UNC13C: variants seen among roughly 807,000 people sequenced by gnomAD.
UNC13C encodes protein unc-13 homolog C.
Under a neutral mutation model 245.4 loss-of-function variants are expected in UNC13C, and 174 were observed. That is an observed-to-expected ratio of 0.71 (90% CI 0.63 to 0.80). The LOEUF (loss-of-function observed/expected upper bound fraction) is 0.80, where lower values mean the gene tolerates loss of function less well. Ranked by LOEUF, UNC13C falls within the 30% of genes least tolerant of loss-of-function variation. UNC13C has a pLI of 0.00. For synonymous variants in UNC13C, 992 were observed against 895.1 expected (o/e 1.11, Z -1.93); for missense variants, 2,829 against 2,602.9 (o/e 1.09, Z -1.89).
the UNC13C span, among the ~76,000 whole-genome samples, chr15:53,865,544 C>G: frequency 1.2e-4 from 18 of 152,236 alleles, no homozygotes; most frequent in Admixed American, 6.5e-5. Flanking sequence ...TTAACTTAAT[C>G]ACCTCTTTAA....
At chr15:53,846,959 G>GACCTCT in the UNC13C span, among the ~76,000 whole-genome samples, 2 of 152,046 alleles carry the variant, frequency 1.3e-5, no homozygotes, top group Admixed American at 1.3e-4. Flanking sequence ...CACAGTGTAG[G>GACCTCT]GCCCAACTGC....
At position 54,168,529 on chromosome 15, in the gene UNC13C, G is replaced by T. The variant is rs78695960; in HGVS notation, c.3071+24845G>T. Among the ~76,000 whole-genome samples, 906 of 152,140 alleles carry T rather than the reference G, an allele frequency of 6.0e-3. 50 individuals carry two copies. The East Asian group carries it at 0.11, about 18-fold the overall frequency. ...AGTTTTCAGCGTTCAACTTTTATAT[G>T]CTACTAAGCAAAAGTGAATCATTCT... On this transcript the variant is annotated intron_variant, in intron 4 of 32. Coordinates refer to ENST00000260323, the MANE Select transcript of UNC13C (RefSeq NM_001080534.3).
At chr15:54,030,082 C>A (rs1446171191) in intron 2 of UNC13C, among the ~76,000 whole-genome samples, 1 of 152,146 alleles carries the variant, frequency 6.6e-6, no homozygotes, top group South Asian at 2.1e-4. Context: ...GCAGCAGCGG[C>A]AGCAGGTTCA....
At chr15:53,876,005 G>A in the UNC13C span, among the ~76,000 whole-genome samples, 1 of 152,046 alleles carries the variant, frequency 6.6e-6, no homozygotes, top group Admixed American at 6.6e-5. Flanking sequence ...CTGAGCACAG[G>A]GTATGTGTTC....
chr15:54,518,518 C>A (rs998459778), intron 24 of UNC13C, among the ~76,000 whole-genome samples: 6 of 152,208 alleles, frequency 3.9e-5, no homozygotes, highest in Non-Finnish European at 7.3e-5. Context: ...TATAATAAAT[C>A]TATTTCATTA....
At chr15:54,488,802 A>C (rs1384514325) in intron 19 of UNC13C, among the ~76,000 whole-genome samples, 5 of 152,146 alleles carry the variant, frequency 3.3e-5, no homozygotes, top group African/African-American at 4.8e-5. Context: ...TTTTGTACAA[A>C]ATTATACTGC....
At chr15:53,961,803 T>C in the UNC13C span, among the ~76,000 whole-genome samples, 2 of 152,174 alleles carry the variant, frequency 1.3e-5, no homozygotes, top group Admixed American at 1.3e-4. Flanking sequence ...TACAAATATG[T>C]ACAGTAGCAG....
At chr15:54,060,887 A>C (rs1361368537) in intron 2 of UNC13C, among the ~76,000 whole-genome samples, 3 of 152,046 alleles carry the variant, frequency 2.0e-5, no homozygotes, top group Non-Finnish European at 2.9e-5. Context: ...CAAACACCGC[A>C]GTTCTCACTC....
In UNC13C at chr15:54,627,111, T is replaced by C; in HGVS notation, c.6643T>C (p.Ter2215ArgextTer9). Reference protein sequence around the residue: ...SETRSTEESA* With the variant: ...SETRSTEESAR Reference sequence around the variant, plus strand: ...AACAAGATCTACTGAAGAGAGTGCTTGAAACAAACACTGCAAGCTAAATAC... The same window carrying C: ...AACAAGATCTACTGAAGAGAGTGCTCGAAACAAACACTGCAAGCTAAATAC... The change falls in exon 33 of 33, where the codon TGA becomes CGA. Residue 2215 changes from the stop codon to arginine (R), a stop_lost. Transcript: ENST00000260323. 6.2e-7 allele frequency: 1 copy of C among 1,606,736 alleles called. No homozygotes were observed. The highest frequency in any genetic ancestry group is 8.5e-7 in the Non-Finnish European group (1 of 1,175,788).
At chr15:54,374,967 C>T (rs969232265) in intron 17 of UNC13C, among the ~76,000 whole-genome samples, 18 of 152,188 alleles carry the variant, frequency 1.2e-4, no homozygotes, top group African/African-American at 3.9e-4. Context: ...TATAAATAAA[C>T]CACAGTTTAC....
rs1896723649 is a variant in UNC13C, at chr15:54,039,480, G to T, written c.2983+23594G>T. 7.2e-5 allele frequency among the ~76,000 whole-genome samples: 11 copies of T among 152,210 alleles called. No individual in the cohort carries two copies. In the South Asian group the frequency reaches 2.3e-3, roughly 32 times the overall value. On this transcript the variant is annotated intron_variant, in intron 2 of 32. Coordinates refer to ENST00000260323, the MANE Select transcript of UNC13C (RefSeq NM_001080534.3). Reference sequence around the variant, plus strand: ...ACTAAAGTCAAGCTAATGAAAGTAAGGAAAAATAACCAACTAGAATCCCTC... The same window carrying T: ...ACTAAAGTCAAGCTAATGAAAGTAATGAAAAATAACCAACTAGAATCCCTC...
the UNC13C span, among the ~76,000 whole-genome samples, chr15:53,884,481 C>T: frequency 1.3e-5 from 2 of 152,124 alleles, no homozygotes; most frequent in Non-Finnish European, 2.9e-5. Flanking sequence ...GTGCATGCCA[C>T]CGTGCCCAGC....
In UNC13C at chr15:54,215,632, C is replaced by A. The variant is rs533987800; in HGVS notation, c.3072-19398C>A. 9.9e-4 allele frequency among the ~76,000 whole-genome samples: 151 copies of A among 151,956 alleles called. 4 individuals are homozygous for A. In the South Asian group the frequency reaches 0.031, roughly 31 times the overall value. On this transcript the variant is annotated intron_variant, in intron 4 of 32. Coordinates refer to ENST00000260323, the MANE Select transcript of UNC13C (RefSeq NM_001080534.3). ...ACAAAGCCTCTCCTTGACAGTGAGGCCATCTTATCTTTAAAATATTATGGC... is the reference window on the plus strand; with the variant it reads ...ACAAAGCCTCTCCTTGACAGTGAGGACATCTTATCTTTAAAATATTATGGC...
At chr15:54,520,621 G>A (rs1895174131) in intron 24 of UNC13C, among the ~76,000 whole-genome samples, 1 of 152,130 alleles carries the variant, frequency 6.6e-6, no homozygotes, top group Non-Finnish European at 1.5e-5. Context: ...ATATTTCAGG[G>A]ATATACAGAG....
chr15:54,571,148 G>A (rs1055747849), intron 30 of UNC13C, among the ~76,000 whole-genome samples: 2 of 152,124 alleles, frequency 1.3e-5, no homozygotes, highest in Middle Eastern at 3.2e-3. Flanking sequence ...GTGTATATTA[G>A]TCCATTCTCA....
At chr15:54,371,460 G>C (rs976302536) in intron 17 of UNC13C, among the ~76,000 whole-genome samples, 1 of 152,036 alleles carries the variant, frequency 6.6e-6, no homozygotes, top group Non-Finnish European at 1.5e-5. Flanking sequence ...TGAATAAAGC[G>C]GAAGGCTTTA....
intron 30 of UNC13C, among the ~76,000 whole-genome samples, chr15:54,605,361 G>T (rs1402881815): frequency 3.3e-5 from 5 of 152,108 alleles, no homozygotes; most frequent in African/African-American, 1.2e-4. Flanking sequence ...TGTGCTTCCA[G>T]TGCCCCTTAT....
intron 2 of UNC13C, among the ~76,000 whole-genome samples, chr15:54,100,097 C>A (rs1900084258): frequency 1.1e-5 from 1 of 90,946 alleles, no homozygotes. Flanking sequence ...AAGAGTGATA[C>A]TCTGTCTCAA....
At position 54,549,679 on chromosome 15, in the gene UNC13C, A is replaced by T. The variant is rs190745507; in HGVS notation, c.5865A>T (p.Leu1955Phe). Residue 1955 changes from leucine to phenylalanine, a missense_variant, in exon 28 of 33, where the codon TTA becomes TTT. Physicochemically the swap from Leu to Phe is conservative, Grantham distance 22. Transcript: ENST00000260323. ...IFIAAKDLGQLSKLKEHMIRE... is the reference protein window; with the variant it reads ...IFIAAKDLGQFSKLKEHMIRE... Reference sequence around the variant, plus strand: ...TTGCAGCTAAAGATCTTGGACAATTATCCAAACTGAAGGTAATAAAAATAA... The same window carrying T: ...TTGCAGCTAAAGATCTTGGACAATTTTCCAAACTGAAGGTAATAAAAATAA... 46 of 1,597,554 alleles carry T rather than the reference A, an allele frequency of 2.9e-5. No individual in the cohort carries two copies. The African/African-American group carries it at 5.8e-4, about 20-fold the overall frequency.
Sources: gnomAD v4.1 joint callset for allele counts (sites outside exome capture counted in the v4.1 genomes callset) on GRCh38, gnomAD v4.1.1 for gene constraint, MANE v1.5 for transcripts, NCBI Gene and HGNC (gene_info 2026-07-23, HGNC 2026-07-21) for gene names.